The following NAV2 variants were observed in gnomAD, a reference collection of about 807,000 sequenced individuals.
The protein encoded by NAV2 is helicase, APC down-regulated 1.
NAV2 carries 54 observed loss-of-function variants against 223.2 expected under a neutral mutation model. That is an observed-to-expected ratio of 0.24 (90% confidence interval 0.19 to 0.30). NAV2 has a LOEUF of 0.30. Ranked by LOEUF, NAV2 falls within the 10% of genes least tolerant of loss-of-function variation. The pLI, the probability that NAV2 is intolerant of heterozygous loss-of-function variation, is 1.00. For synonymous variants in NAV2, 1,279 were observed against 1,239.3 expected, an observed-to-expected ratio of 1.03 and a Z score of -0.67; for missense variants, 2,806 against 3,147.5, an observed-to-expected ratio of 0.89 and a Z score of 2.60.
chr11:19,674,187 A>C (rs1223338520), intron 1 of NAV2, among the ~76,000 whole-genome samples: 1 of 152,190 alleles, frequency 6.6e-6, no homozygotes, highest in South Asian at 2.1e-4. Flanking sequence ...TTACCTCTGC[A>C]TCAGGAACTC....
chr11:19,748,428 T>C (rs2053549826), intron 1 of NAV2, among the ~76,000 whole-genome samples: 1 of 152,180 alleles, frequency 6.6e-6, no homozygotes. Flanking sequence ...AGTGTCACAA[T>C]CTAGGCTGGA....
At chr11:19,990,905 T>C (rs144742858) in intron 11 of NAV2, among the ~76,000 whole-genome samples, 29 of 152,318 alleles carry the variant, frequency 1.9e-4, no homozygotes, top group African/African-American at 7.0e-4. Context: ...ATCACAGTTA[T>C]ATTGCCAAGG....
intron 10 of NAV2, among the ~76,000 whole-genome samples, chr11:19,959,860 TC>T (rs1467138261): frequency 8.5e-5 from 13 of 152,188 alleles, no homozygotes; most frequent in African/African-American, 3.1e-4. Flanking sequence ...AGCAAGGTGC[TC>T]CTTCTTCCCC....
intron 1 of NAV2, among the ~76,000 whole-genome samples, chr11:19,355,403 T>C (rs1853563191): frequency 6.6e-6 from 1 of 152,184 alleles, no homozygotes; most frequent in South Asian, 2.1e-4. Context: ...TCGGGTTTAG[T>C]GTAATTAAAA....
At chr11:19,684,391 G>A (rs1366906954) in intron 1 of NAV2, among the ~76,000 whole-genome samples, 3 of 151,918 alleles carry the variant, frequency 2.0e-5, no homozygotes, top group African/African-American at 7.3e-5. Flanking sequence ...TCACCACTGG[G>A]GGCTGTCTCT....
chr11:20,051,190 T>G (rs986815092), intron 16 of NAV2, 99 bp from the exon 17 acceptor site: 129 of 952,304 alleles, frequency 1.4e-4, no homozygotes, highest in Non-Finnish European at 2.2e-4. Context: ...GATGTGCACC[T>G]CTTTCTCCAG....
At chr11:19,929,426 G>A (rs927837924) in intron 6 of NAV2, among the ~76,000 whole-genome samples, 4 of 152,128 alleles carry the variant, frequency 2.6e-5, no homozygotes, top group Admixed American at 2.6e-4. Context: ...ACTTCTGGCT[G>A]TGACATGAGT....
At chr11:19,359,759 T>A (rs1342536225) in intron 1 of NAV2, among the ~76,000 whole-genome samples, 1 of 152,230 alleles carries the variant, frequency 6.6e-6, no homozygotes, top group East Asian at 1.9e-4. Context: ...AGGTTGTTCC[T>A]TTGAGTGTCA....
chr11:20,029,619 C>T (rs1564878541), intron 11 of NAV2, among the ~76,000 whole-genome samples: 1 of 152,192 alleles, frequency 6.6e-6, no homozygotes, highest in Non-Finnish European at 1.5e-5. Context: ...TGAATTCTCA[C>T]TGTATCCCCA....
chr11:19,381,446 G>T (rs754634961), intron 1 of NAV2, among the ~76,000 whole-genome samples: 27 of 152,210 alleles, frequency 1.8e-4, no homozygotes, highest in Non-Finnish European at 3.1e-4. Context: ...TCCAGGTGCT[G>T]GGGATCTTTC....
intron 10 of NAV2, among the ~76,000 whole-genome samples, chr11:19,969,384 A>ATC (rs2049032508): frequency 6.6e-6 from 1 of 152,172 alleles, no homozygotes; most frequent in African/African-American, 2.4e-5. Context: ...CCCTTTCTGT[A>ATC]TCATTGTCTA....
intron 6 of NAV2, among the ~76,000 whole-genome samples, chr11:19,909,284 T>C (rs780713656): frequency 3.3e-5 from 5 of 152,132 alleles, no homozygotes; most frequent in Non-Finnish European, 5.9e-5. Flanking sequence ...CCCCCTCCTT[T>C]TGAGACCCCA....
At chr11:20,027,225 C>G in intron 11 of NAV2, 1 of 976,996 alleles carries the variant, frequency 1.0e-6, no homozygotes, top group Non-Finnish European at 1.2e-6. Flanking sequence ...CAAACCCTTT[C>G]TCTTCCCCAG....
intron 4 of NAV2, among the ~76,000 whole-genome samples, chr11:19,871,502 A>T (rs2062491722): frequency 6.6e-6 from 1 of 152,044 alleles, no homozygotes. Context: ...CATCACTGCC[A>T]CTGTCTCAGC....
chr11:19,458,286 G>A (rs889256385), intron 1 of NAV2, among the ~76,000 whole-genome samples: 1 of 152,236 alleles, frequency 6.6e-6, no homozygotes, highest in African/African-American at 2.4e-5. Flanking sequence ...TGGGTGACCA[G>A]CCAGCTGTGG....
chr11:20,055,706 C>G lies in NAV2; in HGVS notation c.4643-63C>G. 3.4e-6 allele frequency: 5 copies of G among 1,463,314 alleles called. No homozygotes were observed. In the Admixed American group the frequency reaches 7.4e-5, roughly 22 times the overall value. The allele number at this position is 1,463,314 out of a possible 1,614,324, so 90.6% of individuals were successfully genotyped here. ...AAAATAAGCAGTCTTCTCTTTGTCC[C>G]CAACCAGGATTTGAACAGAGACATG... is the stretch of plus-strand genomic sequence containing the variant. On this transcript the variant is annotated intron_variant, in intron 18 of 37. Coordinates refer to ENST00000349880, the MANE Select transcript of NAV2 (RefSeq NM_145117.5).
chr11:20,065,255 G>A lies in NAV2; in HGVS notation c.4884+2896G>A, dbSNP rs1226161254. On this transcript the variant is annotated intron_variant, in intron 20 of 37. Coordinates refer to ENST00000349880, the MANE Select transcript of NAV2 (RefSeq NM_145117.5). ...AGTATTTGTTTGTTGTCTGAAAAGA[G>A]ATCTTTGAAATGTTAAGTTGCCACA... Among the ~76,000 whole-genome samples the A allele has an allele frequency of 5.5e-4, 83 of 152,242 alleles. 1 individual carries two copies. Among genetic ancestry groups the A allele is most frequent in the Admixed American group, 5.4e-3 (82 of 15,284 alleles).
chr11:19,963,948 T>G (rs1389584853), intron 10 of NAV2, among the ~76,000 whole-genome samples: 1 of 152,146 alleles, frequency 6.6e-6, no homozygotes, highest in Non-Finnish European at 1.5e-5. Context: ...ACCTATGGTT[T>G]CTAGACATGA....
intron 1 of NAV2, among the ~76,000 whole-genome samples, chr11:19,510,685 AG>A (rs2043251568): frequency 6.6e-6 from 1 of 152,216 alleles, no homozygotes; most frequent in Non-Finnish European, 1.5e-5. Flanking sequence ...GTATTGTGGC[AG>A]GGCCAGCACT....
Sources: allele counts gnomAD v4.1 joint callset (sites outside exome capture counted in the v4.1 genomes callset), GRCh38; gene constraint gnomAD v4.1.1; transcripts MANE v1.5; gene names NCBI Gene and HGNC (gene_info 2026-07-23, HGNC 2026-07-21).